BAZ1A: variants seen among roughly 807,000 people sequenced by gnomAD.
BAZ1A encodes the protein bromodomain adjacent to zinc finger domain protein 1A.
Under a neutral mutation model 185.2 loss-of-function variants are expected in BAZ1A, and 50 were observed. That is an observed-to-expected ratio of 0.27 (90% CI 0.22 to 0.34). The LOEUF is 0.34. Ranked by LOEUF, BAZ1A falls within the 10% of genes least tolerant of loss-of-function variation. The pLI, the probability that BAZ1A is intolerant of heterozygous loss-of-function variation, is 1.00. For synonymous variants in BAZ1A, 571 were observed against 615.6 expected (o/e 0.93, Z 1.07); for missense variants, 1,356 against 1,839.9 (o/e 0.74, Z 4.81).
chr14:34,812,886 T>C (rs1046686527), intron 4 of BAZ1A, among the ~76,000 whole-genome samples: 1 of 152,078 alleles, frequency 6.6e-6, no homozygotes, highest in Non-Finnish European at 1.5e-5. Context: ...CCAAGTATCT[T>C]TACACTAAGA....
chr14:34,761,021 A>AT (rs1886499258), intron 24 of BAZ1A, among the ~76,000 whole-genome samples: 1 of 152,064 alleles, frequency 6.6e-6, no homozygotes, highest in Non-Finnish European at 1.5e-5. Flanking sequence ...GCTCACGCCT[A>AT]TAATCCCAGT....
intron 25 of BAZ1A, among the ~76,000 whole-genome samples, chr14:34,757,639 G>A (rs145170632): frequency 2.4e-3 from 362 of 151,700 alleles, no homozygotes; most frequent in African/African-American, 5.8e-3. Flanking sequence ...CACTCCAGCC[G>A]GGGGACAAAA....
intron 4 of BAZ1A, among the ~76,000 whole-genome samples, chr14:34,823,828 TTTA>T: frequency 6.6e-6 from 1 of 152,286 alleles, no homozygotes; most frequent in African/African-American, 2.4e-5. Flanking sequence ...AGACTTTGTA[TTTA>T]TTATTATTAA....
chr14:34,855,346 T>C (rs2042660233), intron 3 of BAZ1A, among the ~76,000 whole-genome samples: 1 of 152,156 alleles, frequency 6.6e-6, no homozygotes, highest in Non-Finnish European at 1.5e-5. Flanking sequence ...AATCTGGCTA[T>C]TTCTGTACCT....
At chr14:34,871,570 G>A (rs2042948782) in intron 2 of BAZ1A, among the ~76,000 whole-genome samples, 1 of 152,228 alleles carries the variant, frequency 6.6e-6, no homozygotes, top group Non-Finnish European at 1.5e-5. Context: ...GGTTCTTGGA[G>A]AAGACAAAAT....
Position 34,797,795 on chromosome 14 carries a change from T to A in BAZ1A, c.1129-2030A>T, listed in dbSNP as rs573530831. On this transcript the variant is annotated intron_variant, in intron 9 of 26. Coordinates refer to ENST00000360310, the MANE Select transcript of BAZ1A (RefSeq NM_013448.3). ...CAACTGAGGTACCTGGTTCATCTCA[T>A]TGGGACTGGTGCCCATGGAGGGCGA... Among the ~76,000 whole-genome samples the A allele has an allele frequency of 2.0e-5, 3 of 152,306 alleles. No homozygotes were observed. In the South Asian group the frequency reaches 6.2e-4, roughly 32 times the overall value.
chr14:34,857,010 CTT>C (rs957739210), intron 3 of BAZ1A, among the ~76,000 whole-genome samples: 22 of 141,242 alleles, frequency 1.6e-4, no homozygotes, highest in African/African-American at 1.8e-4. Context: ...CATCTTTTTT[CTT>C]TTTTTTTTTT....
chr14:34,837,271 G>C (rs1019365530), intron 3 of BAZ1A, among the ~76,000 whole-genome samples: 2 of 149,180 alleles, frequency 1.3e-5, no homozygotes, highest in Admixed American at 6.6e-5. Flanking sequence ...TTTGAGGCAG[G>C]GTCTCTGTTG....
At chr14:34,824,641 C>T (rs2042139820) in intron 4 of BAZ1A, among the ~76,000 whole-genome samples, 1 of 152,180 alleles carries the variant, frequency 6.6e-6, no homozygotes, top group Non-Finnish European at 1.5e-5. Context: ...TGCCTGATCA[C>T]AGTCAATTCT....
At chr14:34,786,313 C>T (rs1188795423) in intron 12 of BAZ1A, 92 bp from the exon 13 acceptor site, 10 of 1,185,622 alleles carry the variant, frequency 8.4e-6, no homozygotes, top group South Asian at 5.8e-5. Flanking sequence ...AAACAGCAAA[C>T]GCCTTAACAT....
Position 34,753,291 on chromosome 14 carries a change from C to A in BAZ1A, c.*217G>T. The A allele has an allele frequency of 1.9e-6, 1 of 530,384 alleles. No individual in the cohort carries two copies. 32.9% of individuals were successfully genotyped at this position (530,384 alleles called of 1,614,324 possible). On this transcript the variant is annotated 3_prime_UTR_variant, in exon 27 of 27. Coordinates refer to ENST00000360310, the MANE Select transcript of BAZ1A (RefSeq NM_013448.3). The stretch of plus-strand genomic sequence containing the variant: ...AACCTCTGTAAACCAGTACTGTATC[C>A]AATACATCTATCAAACTTATTAGAT...
chr14:34,818,292 A>C (rs1401013590), intron 4 of BAZ1A, among the ~76,000 whole-genome samples: 3 of 152,198 alleles, frequency 2.0e-5, no homozygotes, highest in African/African-American at 4.8e-5. Context: ...AAAATTCAAA[A>C]AGACAAAGTA....
At position 34,785,873 on chromosome 14, in the gene BAZ1A, ATCC is replaced by A. The variant is rs1216911327; in HGVS notation, c.1732_1734del (p.Gly578del). 6.2e-7 allele frequency: 1 copy of A among 1,614,072 alleles called. No homozygotes were observed. Among genetic ancestry groups the A allele is most frequent in the Non-Finnish European group, 8.5e-7 (1 of 1,180,016 alleles). ...ATACAAGCATCATCTGTAGCATCAA[ATCC>A]TCCTCGTTTTTGATATCTATACTTT... is the stretch of plus-strand genomic sequence containing the variant. On this transcript the variant is annotated inframe_deletion, in exon 14 of 27. Transcript: ENST00000360310.
At chr14:34,814,042 C>CAA (rs34049193) in intron 4 of BAZ1A, among the ~76,000 whole-genome samples, 52 of 118,504 alleles carry the variant, frequency 4.4e-4, no homozygotes, top group East Asian at 1.0e-3. Context: ...GAGTCTGTAT[C>CAA]AAAAAAAAAA....
intron 3 of BAZ1A, among the ~76,000 whole-genome samples, chr14:34,847,130 A>T (rs2042526408): frequency 6.6e-6 from 1 of 151,994 alleles, no homozygotes; most frequent in Admixed American, 6.6e-5. Context: ...GCATGCCTGT[A>T]ATCCCAGCTA....
rs201223365 is a variant in BAZ1A at position 34,832,195 on chromosome 14, C to T, written c.393-6039G>A. 1.5e-4 allele frequency among the ~76,000 whole-genome samples: 12 copies of T among 80,770 alleles called. No individual in the cohort carries two copies. The East Asian group carries it at 1.9e-3, about 13-fold the overall frequency. The allele number at this position is 80,770 out of a possible 152,430, so 53.0% of individuals were successfully genotyped here. ...GTATATATACATATATACATATACACACACACACACACACACACACATATA... is the reference window on the plus strand; with the variant it reads ...GTATATATACATATATACATATACATACACACACACACACACACACATATA... On this transcript the variant is annotated intron_variant, in intron 3 of 26. Transcript: ENST00000360310.
At chr14:34,839,942 C>A (rs1412669409) in intron 3 of BAZ1A, among the ~76,000 whole-genome samples, 1 of 150,562 alleles carries the variant, frequency 6.6e-6, no homozygotes, top group African/African-American at 2.4e-5. Context: ...CAGAACTCTA[C>A]CAAAAAGGGT....
intron 7 of BAZ1A, 62 bp from the exon 8 acceptor site, chr14:34,801,255 T>G: frequency 8.8e-7 from 1 of 1,140,246 alleles, no homozygotes; most frequent in Non-Finnish European, 1.3e-6. Flanking sequence ...GCAAAAAATT[T>G]AAAACTCTCA....
chr14:34,762,645 T>G (rs145634597), intron 23 of BAZ1A, among the ~76,000 whole-genome samples: 1,734 of 152,068 alleles, frequency 0.011, 20 homozygotes, highest in Non-Finnish European at 0.02. Context: ...ATTTTTGTAG[T>G]TTTTTGTAGA....
Sources: allele counts gnomAD v4.1 joint callset (sites outside exome capture counted in the v4.1 genomes callset), GRCh38; gene constraint gnomAD v4.1.1; transcripts MANE v1.5; gene names NCBI Gene and HGNC (gene_info 2026-07-23, HGNC 2026-07-21).